Variants in ARFGAP1 observed in about 807,000 individuals in gnomAD.
The protein encoded by ARFGAP1 is ADP-ribosylation factor GTPase-activating protein 1.
In ARFGAP1, 26 loss-of-function variants were observed where a neutral mutation model predicts 54.0. The ratio of observed to expected loss-of-function variants is 0.48; its 90% CI spans 0.35 to 0.67. The LOEUF is 0.67. Among genes scored for constraint, ARFGAP1 ranks in the 30% least tolerant of loss-of-function variants. ARFGAP1 has a pLI of 0.00. For synonymous variants in ARFGAP1, 248 were observed against 211.9 expected (o/e 1.17, Z -1.48); for missense variants, 525 against 535.8 (o/e 0.98, Z 0.20).
intron 10 of ARFGAP1, 167 bp from the exon 11 acceptor site, chr20:63,285,487 C>T (rs1248399936): frequency 7.2e-6 from 5 of 697,456 alleles, no homozygotes; most frequent in Non-Finnish European, 1.2e-5. Flanking sequence ...TTTCTTGATG[C>T]TGGAATCCCT....
chr20:63,287,428 G>A lies in ARFGAP1; in HGVS notation c.912-136G>A, dbSNP rs544843311. 6.8e-6 allele frequency: 5 copies of A among 733,760 alleles called. No homozygotes were observed. The South Asian group carries it at 1.0e-4, about 15-fold the overall frequency. 45.5% of individuals were successfully genotyped at this position (733,760 alleles called of 1,614,324 possible). A position where few individuals can be genotyped will look rare whatever the true frequency, so the allele number is the denominator to read the frequency against. On this transcript the variant is annotated intron_variant, in intron 12 of 12. Transcript: ENST00000370283. Reference sequence around the variant, plus strand: ...AAGCGGGAGAAACAGATCCCACCTGGTGGGGCTGCTGTGGACCCTGAGCGC... The same window carrying A: ...AAGCGGGAGAAACAGATCCCACCTGATGGGGCTGCTGTGGACCCTGAGCGC...
At position 63,288,491 on chromosome 20, in the gene ARFGAP1, A is replaced by G. The variant is rs2123336774; in HGVS notation, c.*618A>G. 2.2e-6 allele frequency: 1 copy of G among 455,916 alleles called. No homozygotes were observed. The highest frequency in any genetic ancestry group is 4.4e-6 in the Non-Finnish European group (1 of 226,736). 28.2% of individuals were successfully genotyped at this position (455,916 alleles called of 1,614,324 possible). On this transcript the variant is annotated 3_prime_UTR_variant, in exon 13 of 13. Coordinates refer to ENST00000370283, the MANE Select transcript of ARFGAP1 (RefSeq NM_018209.4). ...TCCCCTGCATCAGCACCGTCCCACC[A>G]CCAAGTTCACCAGGTTCACCAGACA...
In ARFGAP1 at chr20:63,278,151, T is replaced by G. The variant is rs2067280874; in HGVS notation, c.478T>G (p.Ser160Ala). ...CCAGCCGCAGAGTGTGACCGCCTCC[T>G]CGGACAAGGCTTTTGAAGACTGGCT... Reference protein sequence around the residue: ...SGQPQSVTASSDKAFEDWLND... With the variant: ...SGQPQSVTASADKAFEDWLND... The change falls in exon 6 of 13, where the codon TCG (serine) becomes GCG (alanine). Residue 160 changes from serine to alanine, a missense_variant. Coordinates refer to ENST00000370283, the MANE Select transcript of ARFGAP1 (RefSeq NM_018209.4). 9 of 1,613,658 alleles carry G rather than the reference T, an allele frequency of 5.6e-6. No homozygotes were observed. The highest frequency in any genetic ancestry group is 6.8e-6 in the Non-Finnish European group (8 of 1,179,968).
In ARFGAP1 at chr20:63,278,886, G is replaced by C; in HGVS notation, c.531-13G>C. 6.2e-7 allele frequency: 1 copy of C among 1,613,862 alleles called. No individual in the cohort carries two copies. ...TGCCAGCATCTTCGGCCTCTTGTCC[G>C]CTTTGTTTTCAGGGCCCAGGGGAAT... On this transcript the variant is annotated splice_polypyrimidine_tract_variant and intron_variant, in intron 6 of 12. Coordinates refer to ENST00000370283, the MANE Select transcript of ARFGAP1 (RefSeq NM_018209.4).
intron 9 of ARFGAP1, 66 bp downstream of exon 9, chr20:63,282,917 A>T: frequency 6.4e-7 from 1 of 1,558,182 alleles, no homozygotes; most frequent in Non-Finnish European, 8.9e-7. Context: ...CGTCACGTGC[A>T]GCACCTGAAG....
intron 7 of ARFGAP1, 61 bp from the exon 8 acceptor site, chr20:63,281,230 G>A (rs2123263809): frequency 2.6e-6 from 4 of 1,522,732 alleles, no homozygotes; most frequent in East Asian, 4.8e-5. Context: ...GAGATACTCT[G>A]CTCAGCGCCG....
intron 7 of ARFGAP1, 43 bp from the exon 8 acceptor site, chr20:63,281,248 G>T: frequency 6.4e-7 from 1 of 1,565,816 alleles, no homozygotes; most frequent in Admixed American, 1.8e-5. Context: ...CCGGGTTCCT[G>T]GGTCCCAGTC....
chr20:63,284,187 G>T, intron 9 of ARFGAP1: 1 of 1,298,870 alleles, frequency 7.7e-7, no homozygotes, highest in Non-Finnish European at 9.8e-7. Context: ...GCTGGAGGGA[G>T]GGCGGGGGCA....
intron 7 of ARFGAP1, chr20:63,279,216 T>TA (rs2067315262): frequency 1.6e-6 from 1 of 608,150 alleles, no homozygotes; most frequent in Non-Finnish European, 3.0e-6. Context: ...TTTTTTTTTT[T>TA]AAGACGGAGT....
In ARFGAP1 at chr20:63,288,054, G is replaced by A; in HGVS notation, c.*181G>A. Reference sequence around the variant, plus strand: ...GCCGCCTGCGCGTGGGGAGTCTTCGGTGCGTGGGGGCGGCTTGCTGTCCAG... The same window carrying A: ...GCCGCCTGCGCGTGGGGAGTCTTCGATGCGTGGGGGCGGCTTGCTGTCCAG... On this transcript the variant is annotated 3_prime_UTR_variant, in exon 13 of 13. Coordinates refer to ENST00000370283, the MANE Select transcript of ARFGAP1 (RefSeq NM_018209.4). 1 of 723,766 alleles carries A rather than the reference G, an allele frequency of 1.4e-6. No individual in the cohort carries two copies. The highest frequency in any genetic ancestry group is 1.9e-5 in the South Asian group (1 of 52,990). 44.8% of individuals were successfully genotyped at this position (723,766 alleles called of 1,614,324 possible).
Position 63,278,189 on chromosome 20 carries a change from C to T in ARFGAP1, c.516C>T (p.Leu172=), listed in dbSNP as rs751164954. The T allele has an allele frequency of 1.3e-5, 21 of 1,613,294 alleles. No individual in the cohort carries two copies. The highest frequency in any genetic ancestry group is 1.1e-4 in the East Asian group (5 of 44,888). The change falls in exon 6 of 13, where the codon CTC becomes CTT. Residue 172 remains leucine, a synonymous_variant. Coordinates refer to ENST00000370283, the MANE Select transcript of ARFGAP1 (RefSeq NM_018209.4). ...TTGAAGACTGGCTGAATGATGACCT[C>T]GGCTCCTATCAAGGGTAAGGACTTG... ...KAFEDWLNDD[L]GSYQGAQGNR...
At chr20:63,278,606 A>G (rs1159941602) in intron 6 of ARFGAP1, 1 of 493,902 alleles carries the variant, frequency 2.0e-6, no homozygotes, top group Non-Finnish European at 3.6e-6. Context: ...CCTATAAATG[A>G]ATTTTTATCC....
intron 7 of ARFGAP1, chr20:63,279,358 A>G (rs1039883921): frequency 2.6e-6 from 1 of 377,400 alleles, no homozygotes; most frequent in Non-Finnish European, 5.1e-6. Flanking sequence ...GGCACCTACT[A>G]TCACGTCAGG....
chr20:63,278,745 T>TCTGCTGCCGGGGAGCTGCCGAGGCTC (rs376190462), intron 6 of ARFGAP1, among the ~76,000 whole-genome samples, 154 bp from the exon 7 acceptor site: 8,682 of 152,194 alleles, frequency 0.057, 318 homozygotes, highest in Middle Eastern at 0.099. Flanking sequence ...AGCACATCTC[T>TCTGCTGCCGGGGAGCTGCCGAGGCTC]CTGCTGCCAC....
Position 63,287,881 on chromosome 20 carries a change from T to G in ARFGAP1, c.*8T>G, listed in dbSNP as rs540954738. On this transcript the variant is annotated 3_prime_UTR_variant, in exon 13 of 13. Coordinates refer to ENST00000370283, the MANE Select transcript of ARFGAP1 (RefSeq NM_018209.4). ...GACAACCAGAACTGGTAGGGCCCAC[T>G]GCGCCCCCGTCCCCAGCGCCCCCGG... is the stretch of plus-strand genomic sequence containing the variant. 239 of 1,512,960 alleles carry G rather than the reference T, an allele frequency of 1.6e-4. 3 individuals are homozygous for G. The East Asian group carries it at 5.7e-3, about 36-fold the overall frequency. The allele number at this position is 1,512,960 out of a possible 1,614,324, so 93.7% of individuals were successfully genotyped here.
intron 11 of ARFGAP1, chr20:63,286,093 G>T (rs1473687320): frequency 1.3e-6 from 2 of 1,550,126 alleles, no homozygotes; most frequent in Non-Finnish European, 1.7e-6. Context: ...GGAGGGAAGA[G>T]CAGGCCTCGC....
In ARFGAP1 at chr20:63,289,624, G is replaced by A. The variant is rs1490556486; in HGVS notation, c.*1751G>A. 4 of 152,294 alleles carry A rather than the reference G, an allele frequency of 2.6e-5. No homozygotes were observed. Among genetic ancestry groups the A allele is most frequent in the Non-Finnish European group, 4.4e-5 (3 of 68,090 alleles). The allele number at this position is 152,294 out of a possible 1,614,324, so 9.4% of individuals were successfully genotyped here. A position where few individuals can be genotyped will look rare whatever the true frequency, so the allele number is the denominator to read the frequency against. On this transcript the variant is annotated 3_prime_UTR_variant, in exon 13 of 13. Coordinates refer to ENST00000370283, the MANE Select transcript of ARFGAP1 (RefSeq NM_018209.4). ...GTGTCTGGGCCACCTTCAGAAGGTG[G>A]ATGTGGTGGCCGAGACCCCGTCCAC...
intron 2 of ARFGAP1, 95 bp from the exon 3 acceptor site, chr20:63,275,996 C>G: frequency 8.7e-7 from 1 of 1,155,712 alleles, no homozygotes; most frequent in Non-Finnish European, 1.3e-6. Context: ...CTGGGCAGCC[C>G]TCTGCATTCG....
chr20:63,273,674 GT>G (rs1158364790), intron 1 of ARFGAP1, among the ~76,000 whole-genome samples: 120 of 152,306 alleles, frequency 7.9e-4, no homozygotes, highest in African/African-American at 2.7e-3. Context: ...TATCCTGTAT[GT>G]TTTACAGTTA....
Sources: gnomAD v4.1 joint callset for allele counts (sites outside exome capture counted in the v4.1 genomes callset) on GRCh38, gnomAD v4.1.1 for gene constraint, MANE v1.5 for transcripts, NCBI Gene and HGNC (gene_info 2026-07-23, HGNC 2026-07-21) for gene names.